The following PLA2R1 variants were observed in gnomAD, a reference collection of about 807,000 sequenced individuals.
PLA2R1 encodes the protein secretory phospholipase A2 receptor.
In PLA2R1, 158 loss-of-function variants were observed where a neutral mutation model predicts 195.9. The observed-to-expected ratio is 0.81, with a 90% confidence interval of 0.71 to 0.92. PLA2R1 has a LOEUF of 0.92. PLA2R1 is among the 40% of genes least tolerant of loss of function. The pLI is 0.00. For synonymous variants in PLA2R1, 586 were observed against 598.2 expected, an observed-to-expected ratio of 0.98 and a Z score of 0.30; for missense variants, 1,626 against 1,764.6, an observed-to-expected ratio of 0.92 and a Z score of 1.41.
chr2:159,927,409 A>T (rs577191861), downstream of PLA2R1, among the ~76,000 whole-genome samples: 11 of 152,298 alleles, frequency 7.2e-5, no homozygotes, highest in Admixed American at 3.9e-4. Flanking sequence ...ATGGAGCAAA[A>T]CAGAAGCAAC....
intron 12 of PLA2R1, among the ~76,000 whole-genome samples, chr2:159,985,260 AT>A (rs1410260324): frequency 2.0e-5 from 3 of 152,222 alleles, no homozygotes; most frequent in Admixed American, 2.0e-4. Flanking sequence ...GTAATGTAGG[AT>A]TATACATGTG....
chr2:160,041,004 A>G (rs1253054021), intron 3 of PLA2R1, among the ~76,000 whole-genome samples: 1 of 152,218 alleles, frequency 6.6e-6, no homozygotes, highest in African/African-American at 2.4e-5. Flanking sequence ...AGACTCAGAT[A>G]GATGGAGAGA....
chr2:160,005,108 G>A (rs1024341674), intron 11 of PLA2R1, among the ~76,000 whole-genome samples: 11 of 152,192 alleles, frequency 7.2e-5, no homozygotes, highest in South Asian at 2.1e-4. Flanking sequence ...GGTCCTGAGC[G>A]ATGAATTTAT....
chr2:159,983,113 T>C (rs1229279165), intron 13 of PLA2R1, among the ~76,000 whole-genome samples: 10 of 152,140 alleles, frequency 6.6e-5, no homozygotes, highest in Non-Finnish European at 8.8e-5. Context: ...TAGAGTAGAT[T>C]TGATCTGTAT....
At chr2:160,025,356 CATAAATAAATAAGTAA>C (rs1338825231) in intron 6 of PLA2R1, among the ~76,000 whole-genome samples, 9 of 151,658 alleles carry the variant, frequency 5.9e-5, no homozygotes, top group Admixed American at 4.6e-4. Flanking sequence ...GTCTCTAAAG[CATAAATAAATAAGTAA>C]ATAAATAAAT....
chr2:159,943,882 G>A (rs1687231966), intron 28 of PLA2R1, among the ~76,000 whole-genome samples: 1 of 151,088 alleles, frequency 6.6e-6, no homozygotes, highest in Admixed American at 6.6e-5. Flanking sequence ...CACCTGCAGT[G>A]TTTTCTTCTT....
intron 3 of PLA2R1, among the ~76,000 whole-genome samples, chr2:160,036,238 G>C (rs1240671147): frequency 6.6e-6 from 1 of 152,142 alleles, no homozygotes; most frequent in African/African-American, 2.4e-5. Context: ...CATGTAACAT[G>C]TGCAAACCTG....
chr2:159,925,180 G>A, the PLA2R1 span, among the ~76,000 whole-genome samples: 4 of 117,056 alleles, frequency 3.4e-5, no homozygotes, highest in East Asian at 2.5e-4. Context: ...TATTTTCCAC[G>A]TCAGTTATAA....
Position 159,987,280 on chromosome 2 carries a change from T to C in PLA2R1, c.1913A>G (p.Lys638Arg). 6.2e-7 allele frequency: 1 copy of C among 1,613,208 alleles called. No individual in the cohort carries two copies. The highest frequency in any genetic ancestry group is 8.5e-7 in the Non-Finnish European group (1 of 1,179,914). ...TGGCTGCTTGCACAAGGACATTGCC[T>C]TAAAGTGCCGACAGTGCTTCACTTC... ...RWEVKHCRHFKAMSLCKQPVE... is the reference protein window; with the variant it reads ...RWEVKHCRHFRAMSLCKQPVE... Residue 638 changes from lysine (K) to arginine (R), a missense_variant, in exon 12 of 30, where the codon AAG (lysine) becomes AGG (arginine). Coordinates refer to ENST00000283243, the MANE Select transcript of PLA2R1 (RefSeq NM_007366.5).
intron 11 of PLA2R1, among the ~76,000 whole-genome samples, chr2:159,998,086 C>T (rs1388186196): frequency 6.6e-6 from 1 of 152,072 alleles, no homozygotes; most frequent in Non-Finnish European, 1.5e-5. Context: ...ACAATCATAC[C>T]TTCCTTTAAA....
At chr2:159,950,108 A>G (rs1355963468) in intron 24 of PLA2R1, among the ~76,000 whole-genome samples, 2 of 152,240 alleles carry the variant, frequency 1.3e-5, no homozygotes, top group African/African-American at 2.4e-5. Flanking sequence ...TAAACATGTT[A>G]AAGAAAACCT....
rs1252084253 is a variant in PLA2R1, at chr2:159,971,496, ACACACAC to A, written c.2596-1291_2596-1285del. Among the ~76,000 whole-genome samples, 5 of 125,510 alleles carry A rather than the reference ACACACAC, an allele frequency of 4.0e-5. No homozygotes were observed. In the South Asian group the frequency reaches 6.6e-4, roughly 17 times the overall value. 82.3% of individuals were successfully genotyped at this position (125,510 alleles called of 152,430 possible). A position where few individuals can be genotyped will look rare whatever the true frequency, so the allele number is the denominator to read the frequency against. ...CGCGCACACACACACACATACACAC[ACACACAC>A]ATTAGGGCAGATGTACTGACTTATG... On this transcript the variant is annotated intron_variant, in intron 17 of 29. Transcript: ENST00000283243.
At chr2:159,945,756 C>A in intron 27 of PLA2R1, 4 of 977,928 alleles carry the variant, frequency 4.1e-6, no homozygotes, top group Non-Finnish European at 4.9e-6. Context: ...GACTCTTGAA[C>A]TAATACATTC....
At chr2:160,061,857 G>A (rs16844724) in intron 1 of PLA2R1, among the ~76,000 whole-genome samples, 8,522 of 152,240 alleles carry the variant, frequency 0.056, 293 homozygotes, top group Middle Eastern at 0.11. Context: ...CCTAGGTGGC[G>A]ACGCAGACCC....
rs1164599244 is a variant in PLA2R1 at position 160,016,588 on chromosome 2, T to G, written c.1551+26A>C. The G allele has an allele frequency of 2.6e-6, 3 of 1,173,176 alleles. No individual in the cohort carries two copies. In the African/African-American group the frequency reaches 4.5e-5, roughly 18 times the overall value. The allele number at this position is 1,173,176 out of a possible 1,614,324, so 72.7% of individuals were successfully genotyped here. On this transcript the variant is annotated intron_variant, in intron 9 of 29. Transcript: ENST00000283243. ...ATTCTAGCTATGAAGTCCCTGTACCTAAATTGCAATGTTAACAGCACTTAC... is the reference window on the plus strand; with the variant it reads ...ATTCTAGCTATGAAGTCCCTGTACCGAAATTGCAATGTTAACAGCACTTAC...
In PLA2R1 at chr2:159,944,901, C is replaced by G; in HGVS notation, c.4144+5G>C. On this transcript the variant is annotated splice_donor_5th_base_variant and intron_variant, in intron 28 of 29. Transcript: ENST00000283243. ...AATGAAGAATTACTCTCTGACTTTA[C>G]CTACCTGCCTCCATTTTACATATAA... 6.2e-7 allele frequency: 1 copy of G among 1,604,078 alleles called. No individual in the cohort carries two copies. Among genetic ancestry groups the G allele is most frequent in the Non-Finnish European group, 8.5e-7 (1 of 1,171,706 alleles).
intron 1 of PLA2R1, among the ~76,000 whole-genome samples, chr2:160,058,808 C>T (rs1473480019): frequency 6.6e-5 from 10 of 152,130 alleles, no homozygotes; most frequent in Admixed American, 6.6e-4. Flanking sequence ...GCACTGGTTT[C>T]ACAGAAGACA....
Position 159,954,512 on chromosome 2 carries a change from G to GTA in PLA2R1, c.3301+685_3301+686dup, listed in dbSNP as rs56988544. Among the ~76,000 whole-genome samples the GTA allele has an allele frequency of 4.4e-3, 643 of 147,212 alleles. 3 individuals are homozygous for GTA. The highest frequency in any genetic ancestry group is 0.032 in the East Asian group (162 of 5,022). On this transcript the variant is annotated intron_variant, in intron 23 of 29. Transcript: ENST00000283243. The stretch of plus-strand genomic sequence containing the variant: ...GAAGTAAAATTCCTATTCCAAATAA[G>GTA]TATATATATATATATATATAAATAT...
chr2:160,047,768 G>A (rs1257365466), intron 1 of PLA2R1, among the ~76,000 whole-genome samples: 1 of 152,168 alleles, frequency 6.6e-6, no homozygotes, highest in Non-Finnish European at 1.5e-5. Flanking sequence ...GGAATGGCTG[G>A]TCTGTGAATA....
Sources: allele counts gnomAD v4.1 joint callset (sites outside exome capture counted in the v4.1 genomes callset), GRCh38; gene constraint gnomAD v4.1.1; transcripts MANE v1.5; gene names NCBI Gene and HGNC (gene_info 2026-07-23, HGNC 2026-07-21).